Variants in RASSF2 observed in about 807,000 individuals in gnomAD.
The protein encoded by RASSF2 is ras association domain-containing protein 2.
Under a neutral mutation model 46.3 loss-of-function variants are expected in RASSF2, and 34 were observed. That is an observed-to-expected ratio of 0.73 (90% confidence interval 0.56 to 0.98). RASSF2 has a LOEUF of 0.98. Ranked by LOEUF, RASSF2 falls within the 50% of genes least tolerant of loss-of-function variation. The pLI is 0.00. For missense variants in RASSF2, 364 were observed against 431.2 expected, an observed-to-expected ratio of 0.84 and a Z score of 1.38; for synonymous variants, 158 against 162.5, an observed-to-expected ratio of 0.97 and a Z score of 0.21.
chr20:4,815,932 A>G (rs1180462709), intron 2 of RASSF2, among the ~76,000 whole-genome samples: 1 of 152,264 alleles, frequency 6.6e-6, no homozygotes, highest in Non-Finnish European at 1.5e-5. Flanking sequence ...TGGAACCTCC[A>G]GGGGCCAAAT....
chr20:4,814,149 T>C (rs1172698595), intron 2 of RASSF2, among the ~76,000 whole-genome samples: 2 of 152,122 alleles, frequency 1.3e-5, no homozygotes, highest in East Asian at 3.9e-4. Flanking sequence ...TTTCCTCCTG[T>C]CCAATAACTA....
chr20:4,802,903 T>C (rs867462562), intron 2 of RASSF2, among the ~76,000 whole-genome samples: 90 of 84,260 alleles, frequency 1.1e-3, no homozygotes, highest in African/African-American at 3.7e-3. Flanking sequence ...TATACATATA[T>C]ATATATATAT....
intron 9 of RASSF2, 79 bp from the exon 10 acceptor site, chr20:4,787,833 C>CTAGGT (rs869219256): frequency 1.8e-6 from 1 of 546,248 alleles, no homozygotes. Context: ...GGTCCAAAGG[C>CTAGGT]ACCTTAGGAG....
intron 10 of RASSF2, among the ~76,000 whole-genome samples, chr20:4,787,072 A>T (rs1455353277): frequency 6.6e-6 from 1 of 151,742 alleles, no homozygotes; most frequent in Non-Finnish European, 1.5e-5. Context: ...AAAAAAAAAA[A>T]GTTAAAAAAT....
intron 2 of RASSF2, among the ~76,000 whole-genome samples, chr20:4,820,384 G>A (rs767452966): frequency 4.6e-5 from 7 of 152,090 alleles, no homozygotes; most frequent in Admixed American, 2.6e-4. Context: ...GGTGGCATAT[G>A]CCTGGGGTCT....
chr20:4,797,200 A>G (rs986900414), intron 4 of RASSF2, among the ~76,000 whole-genome samples: 1 of 152,200 alleles, frequency 6.6e-6, no homozygotes, highest in Non-Finnish European at 1.5e-5. Context: ...AATTTAACCC[A>G]AAACAGGATT....
intron 9 of RASSF2, among the ~76,000 whole-genome samples, chr20:4,788,001 C>T (rs1343094233): frequency 6.6e-6 from 1 of 152,090 alleles, no homozygotes; most frequent in Non-Finnish European, 1.5e-5. Flanking sequence ...AAATCTAGTT[C>T]CTCTTTTAAT....
chr20:4,784,461 T>C (rs1312760443), intron 11 of RASSF2, 119 bp from the exon 12 acceptor site: 1 of 844,268 alleles, frequency 1.2e-6, no homozygotes, highest in African/African-American at 1.7e-5. Flanking sequence ...TCAAGTGCCC[T>C]GCTCCTTTGC....
intron 2 of RASSF2, among the ~76,000 whole-genome samples, chr20:4,816,685 G>A (rs548484209): frequency 2.6e-5 from 4 of 152,174 alleles, no homozygotes; most frequent in East Asian, 3.9e-4. Context: ...GATGAAGATC[G>A]AAATCTCGCA....
At chr20:4,819,747 C>A (rs1568585156) in intron 2 of RASSF2, among the ~76,000 whole-genome samples, 1 of 152,192 alleles carries the variant, frequency 6.6e-6, no homozygotes, top group Non-Finnish European at 1.5e-5. Context: ...GTTAAAGCAC[C>A]GTGCTGATGA....
At chr20:4,804,890 A>C (rs1007857268) in intron 2 of RASSF2, among the ~76,000 whole-genome samples, 1 of 151,976 alleles carries the variant, frequency 6.6e-6, no homozygotes, top group East Asian at 1.9e-4. Context: ...AGCAAACAGG[A>C]AGGACACCTA....
chr20:4,798,058 G>A lies in RASSF2; in HGVS notation c.87C>T (p.Thr29=). Residue 29 remains threonine (T), a synonymous_variant, in exon 4 of 12, where the codon ACC becomes ACT. Coordinates refer to ENST00000379400, the MANE Select transcript of RASSF2 (RefSeq NM_014737.3). The stretch of plus-strand genomic sequence containing the variant: ...TCTGGCCTTCATAGTACAAGTTGTA[G>A]GTCTTCAGATGCAAGAGAAGTTCAT... ...SKNELLLHLK[T]YNLYYEGQNL... 3.1e-6 allele frequency: 5 copies of A among 1,613,836 alleles called. No individual in the cohort carries two copies. Among genetic ancestry groups the A allele is most frequent in the Non-Finnish European group, 4.2e-6 (5 of 1,179,858 alleles).
intron 10 of RASSF2, among the ~76,000 whole-genome samples, chr20:4,786,816 G>T (rs189335408): frequency 7.2e-4 from 110 of 152,296 alleles, no homozygotes; most frequent in Non-Finnish European, 7.4e-4. Flanking sequence ...AGGCATCGTG[G>T]TTCATGCCTG....
At chr20:4,789,769 C>G in intron 7 of RASSF2, 72 bp from the exon 8 acceptor site, 2 of 1,282,188 alleles carry the variant, frequency 1.6e-6, no homozygotes, top group Non-Finnish European at 2.3e-6. Flanking sequence ...AGGTGCGGTA[C>G]AGGGCACAGT....
rs562940105 is a variant in RASSF2 at position 4,810,236 on chromosome 20, A to G, written c.-32-9174T>C. ...CTGAAGCCCTGCAGCAGTTGCATGAAGGATCCTTTCCCTTCCTTCCCACAG... is the reference window on the plus strand; with the variant it reads ...CTGAAGCCCTGCAGCAGTTGCATGAGGGATCCTTTCCCTTCCTTCCCACAG... On this transcript the variant is annotated intron_variant, in intron 2 of 11. Transcript: ENST00000379400. 3.3e-5 allele frequency among the ~76,000 whole-genome samples: 5 copies of G among 152,300 alleles called. No individual in the cohort carries two copies. The East Asian group carries it at 9.6e-4, about 29-fold the overall frequency.
At chr20:4,802,434 T>C (rs1388318717) in intron 2 of RASSF2, among the ~76,000 whole-genome samples, 2 of 152,132 alleles carry the variant, frequency 1.3e-5, no homozygotes, top group Non-Finnish European at 2.9e-5. Context: ...AAGTGTCCAC[T>C]GAAGGATGAG....
At position 4,785,698 on chromosome 20, in the gene RASSF2, C is replaced by T. The variant is rs546281090; in HGVS notation, c.911+533G>A. On this transcript the variant is annotated intron_variant, in intron 11 of 11. Transcript: ENST00000379400. The stretch of plus-strand genomic sequence containing the variant: ...GCCTTCCTGAAATCCCTGGAACCTC[C>T]GGGTCTTGGTTAGCACTCCTTGCCT... Among the ~76,000 whole-genome samples the T allele has an allele frequency of 5.3e-5, 8 of 152,250 alleles. No individual in the cohort carries two copies. The East Asian group carries it at 1.2e-3, about 22-fold the overall frequency.
intron 3 of RASSF2, among the ~76,000 whole-genome samples, chr20:4,799,200 C>A (rs1212437541): frequency 2.0e-5 from 3 of 152,184 alleles, no homozygotes; most frequent in African/African-American, 7.2e-5. Flanking sequence ...GAAACTCCCC[C>A]TCTGAAGCCC....
In RASSF2 at chr20:4,812,185, G is replaced by A. The variant is rs897898280; in HGVS notation, c.-33+10144C>T. Among the ~76,000 whole-genome samples the A allele has an allele frequency of 2.0e-5, 3 of 152,156 alleles. No individual in the cohort carries two copies. The highest frequency in any genetic ancestry group is 4.4e-5 in the Non-Finnish European group (3 of 68,036). On this transcript the variant is annotated intron_variant, in intron 2 of 11. Transcript: ENST00000379400. This position sits in a 1 kb window ranked among gnomAD's most constrained non-coding sequence, Gnocchi z 4.0. ...CAAACCCAAGCCTGTCCTGGGCATG[G>A]GCAAAATGTGGGCTGCCTCGGAAGG...
Sources: gnomAD v4.1 joint callset for allele counts (sites outside exome capture counted in the v4.1 genomes callset) on GRCh38, gnomAD v4.1.1 for gene constraint, Gnocchi (gnomAD v3.1) non-coding constraint, MANE v1.5 for transcripts, NCBI Gene and HGNC (gene_info 2026-07-23, HGNC 2026-07-21) for gene names.